Variants in TRIM51 observed in about 807,000 individuals in gnomAD.
TRIM51 encodes the protein tripartite motif-containing 51, also known as tripartite motif-containing protein 51.
TRIM51 carries 23 observed loss-of-function variants against 32.7 expected under a neutral mutation model. That is an observed-to-expected ratio of 0.70 (90% CI 0.51 to 1.00). The LOEUF (loss-of-function observed/expected upper bound fraction) is 1.00. Ranked by LOEUF, TRIM51 falls within the 50% of genes least tolerant of loss-of-function variation. The pLI is 0.00. For synonymous variants in TRIM51, 177 were observed against 181.9 expected, an observed-to-expected ratio of 0.97 and a Z score of 0.22; for missense variants, 592 against 539.2, an observed-to-expected ratio of 1.10 and a Z score of -0.97.
intron 4 of TRIM51, 74 bp from the exon 5 acceptor site, chr11:55,888,905 A>G (rs1854612029): frequency 7.4e-7 from 1 of 1,348,892 alleles, no homozygotes. Flanking sequence ...ACTGTCTCCA[A>G]ATCTCACTCT....
chr11:55,883,394 A>T lies in TRIM51; in HGVS notation c.-5+10A>T, dbSNP rs1159301010. On this transcript the variant is annotated intron_variant, in intron 1 of 6. Transcript: ENST00000449290. ...TTCATAGAACCTTGGGGTGAGTGCA[A>T]CTTCTATGGAGAAAATTATTTCTCT... The T allele has an allele frequency of 5.9e-5, 9 of 152,188 alleles. No homozygotes were observed. In the East Asian group the frequency reaches 1.5e-3, roughly 26 times the overall value. 9.4% of individuals were successfully genotyped at this position (152,188 alleles called of 1,614,324 possible). A position where few individuals can be genotyped will look rare whatever the true frequency, so the allele number is the denominator to read the frequency against.
Position 55,886,223 on chromosome 11 carries a change from G to A in TRIM51, c.507+5G>A. 6.2e-7 allele frequency: 1 copy of A among 1,609,744 alleles called. No homozygotes were observed. Among genetic ancestry groups the A allele is most frequent in the Non-Finnish European group, 8.5e-7 (1 of 1,176,250 alleles). The stretch of plus-strand genomic sequence containing the variant: ...ACAAGAACCAGATGCTGGAAGGTTA[G>A]TACCGTATGACTCTACCTTCTCCGG... On this transcript the variant is annotated splice_donor_5th_base_variant and intron_variant, in intron 3 of 6. Coordinates refer to ENST00000449290, the MANE Select transcript of TRIM51 (RefSeq NM_032681.4).
chr11:55,891,616 G>T lies in TRIM51; in HGVS notation c.1343G>T (p.Cys448Phe). The change falls in exon 7 of 7, where the codon TGC becomes TTC. Residue 448 changes from cysteine (C) to phenylalanine (F), a missense_variant. Coordinates refer to ENST00000449290, the MANE Select transcript of TRIM51 (RefSeq NM_032681.4). Reference sequence around the variant, plus strand: ...TCACCTCCTCTCAGGCCTATCTTTTGCTGTAGTCACTTCTGACCAGAGAAA... The same window carrying T: ...TCACCTCCTCTCAGGCCTATCTTTTTCTGTAGTCACTTCTGACCAGAGAAA... ...SFSPPLRPIF[C>F]CSHF 1.2e-6 allele frequency: 2 copies of T among 1,613,246 alleles called. No homozygotes were observed. The highest frequency in any genetic ancestry group is 1.7e-6 in the Non-Finnish European group (2 of 1,179,580).
At position 55,886,138 on chromosome 11, in the gene TRIM51, A is replaced by G. The variant is rs901061156; in HGVS notation, c.427A>G (p.Lys143Glu). Residue 143 changes from lysine (K) to glutamate (E), a missense_variant, in exon 3 of 7, where the codon AAA becomes GAA. Lys to Glu is a moderately conservative substitution (Grantham distance 56). Coordinates refer to ENST00000449290, the MANE Select transcript of TRIM51 (RefSeq NM_032681.4). ...AEERREELLK[K>E]MQSLWEKACE... ...TGTTTTGCAGGAGGAGCTCCTAAAA[A>G]AAATGCAGTCTTTATGGGAAAAAGC... 37 of 1,613,350 alleles carry G rather than the reference A, an allele frequency of 2.3e-5. No individual in the cohort carries two copies. The highest frequency in any genetic ancestry group is 3.1e-5 in the Non-Finnish European group (36 of 1,179,560).
At chr11:55,884,180 T>TATAC (rs1456729841) in intron 1 of TRIM51, among the ~76,000 whole-genome samples, 8 of 124,088 alleles carry the variant, frequency 6.4e-5, no homozygotes, top group African/African-American at 2.6e-4. Flanking sequence ...TATATATATA[T>TATAC]ATACACATAC....
Position 55,891,633 on chromosome 11 carries a change from C to A in TRIM51, c.*1C>A, listed in dbSNP as rs762030416. ...TATCTTTTGCTGTAGTCACTTCTGA[C>A]CAGAGAAAAGTCAGAAATGTGCCTG... On this transcript the variant is annotated 3_prime_UTR_variant, in exon 7 of 7. Transcript: ENST00000449290. 9 of 1,612,728 alleles carry A rather than the reference C, an allele frequency of 5.6e-6. No homozygotes were observed. The Admixed American group carries it at 1.5e-4, about 27-fold the overall frequency.
rs1379418747 is a variant in TRIM51, at chr11:55,891,483, A to C, written c.1210A>C (p.Arg404=). The change falls in exon 7 of 7, where the codon AGA becomes CGA. Residue 404 remains arginine, a synonymous_variant. Coordinates refer to ENST00000449290, the MANE Select transcript of TRIM51 (RefSeq NM_032681.4). The stretch of plus-strand genomic sequence containing the variant: ...CCCACTTGTGGTGCAATATGTTCCA[A>C]GACCTACCAGCACAGTAGGATTATT... ...TSPLVVQYVP[R]PTSTVGLFLD... 11 of 1,613,444 alleles carry C rather than the reference A, an allele frequency of 6.8e-6. No homozygotes were observed. The highest frequency in any genetic ancestry group is 8.5e-6 in the Non-Finnish European group (10 of 1,179,746).
Position 55,885,537 on chromosome 11 carries a change from C to A in TRIM51, c.109C>A (p.Pro37Thr), listed in dbSNP as rs768725178. Residue 37 changes from proline to threonine, a missense_variant, in exon 2 of 7, where the codon CCC (proline) becomes ACC (threonine). By Grantham distance (38) the Pro-to-Thr change is conservative. Transcript: ENST00000449290. ...TIDCGHSFCR[P>T]CLYLNWQDTA... is the part of the protein sequence containing the mutation. The stretch of plus-strand genomic sequence containing the variant: ...AGACTGTGGGCACAGCTTTTGCCGG[C>A]CCTGTTTGTACCTCAACTGGCAAGA... 7 of 1,611,916 alleles carry A rather than the reference C, an allele frequency of 4.3e-6. No homozygotes were observed. The African/African-American group carries it at 9.4e-5, about 22-fold the overall frequency.
At chr11:55,890,983 A>G in intron 6 of TRIM51, 150 bp from the exon 7 acceptor site, 1 of 615,694 alleles carries the variant, frequency 1.6e-6, no homozygotes, top group South Asian at 2.2e-5. Context: ...TCATCCTTAT[A>G]CTTTATTAAA....
At chr11:55,891,078 A>G in intron 6 of TRIM51, 55 bp from the exon 7 acceptor site, 1 of 1,390,418 alleles carries the variant, frequency 7.2e-7, no homozygotes, top group Non-Finnish European at 9.6e-7. Context: ...TCCCTCAAGA[A>G]TTCTAATTTC....
rs557505571 is a variant in TRIM51 at position 55,890,120 on chromosome 11, C to T, written c.859+81C>T. On this transcript the variant is annotated intron_variant, in intron 6 of 6. Transcript: ENST00000449290. ...ATGGGGGTAGTATTTTACCCTTCAT[C>T]AAATCTTTATTTCATTTCAGCAGGA... The T allele has an allele frequency of 3.8e-5, 35 of 930,484 alleles. No individual in the cohort carries two copies. In the Middle Eastern group the frequency reaches 1.3e-3, roughly 34 times the overall value. 57.6% of individuals were successfully genotyped at this position (930,484 alleles called of 1,614,324 possible).
chr11:55,886,059 A>G (rs758536458), intron 2 of TRIM51, 64 bp from the exon 3 acceptor site: 10 of 1,536,586 alleles, frequency 6.5e-6, no homozygotes, highest in African/African-American at 1.4e-5. Flanking sequence ...GGTCCTTCGT[A>G]TATCAGAGTG....
At chr11:55,887,512 G>T (rs1304585874) in intron 3 of TRIM51, among the ~76,000 whole-genome samples, 1 of 151,960 alleles carries the variant, frequency 6.6e-6, no homozygotes, top group African/African-American at 2.4e-5. Context: ...TTATTTGGGG[G>T]TTTGAGGAAC....
chr11:55,889,919 T>C lies in TRIM51; in HGVS notation c.762-23T>C, dbSNP rs569880399. The C allele has an allele frequency of 1.8e-5, 29 of 1,578,438 alleles. No homozygotes were observed. In the African/African-American group the frequency reaches 3.1e-4, roughly 17 times the overall value. The stretch of plus-strand genomic sequence containing the variant: ...GTATTTTTTTTGGCTGTAGATGTGA[T>C]AACCCTATCTTTCCCCTTGCAGGTA... On this transcript the variant is annotated intron_variant, in intron 5 of 6. Coordinates refer to ENST00000449290, the MANE Select transcript of TRIM51 (RefSeq NM_032681.4).
At chr11:55,883,781 T>C (rs1368064698) in intron 1 of TRIM51, among the ~76,000 whole-genome samples, 4 of 152,100 alleles carry the variant, frequency 2.6e-5, no homozygotes, top group Admixed American at 6.5e-5. Context: ...TGATTTTAAG[T>C]TACTGAGGCA....
chr11:55,884,624 C>T (rs975887857), intron 1 of TRIM51, among the ~76,000 whole-genome samples: 7 of 152,078 alleles, frequency 4.6e-5, no homozygotes, highest in African/African-American at 1.7e-4. Flanking sequence ...AGCTCACCAA[C>T]TTACATGACT....
In TRIM51 at chr11:55,885,372, C is replaced by T. The variant is rs1248706502; in HGVS notation, c.-4-53C>T. ...GCTATCACATATCACCACATGTTCA[C>T]GGATTTTCACCAACCCAGACCCCAA... On this transcript the variant is annotated intron_variant, in intron 1 of 6. Transcript: ENST00000449290. 23 of 1,593,162 alleles carry T rather than the reference C, an allele frequency of 1.4e-5. No individual in the cohort carries two copies. In the Admixed American group the frequency reaches 3.7e-4, roughly 25 times the overall value.
chr11:55,887,144 G>A (rs1030833739), intron 3 of TRIM51, among the ~76,000 whole-genome samples: 1 of 151,908 alleles, frequency 6.6e-6, no homozygotes, highest in Non-Finnish European at 1.5e-5. Flanking sequence ...AGGGACTGGG[G>A]ATGAGGGTTT....
At position 55,891,399 on chromosome 11, in the gene TRIM51, G is replaced by A; in HGVS notation, c.1126G>A (p.Gly376Arg). Residue 376 changes from glycine (G) to arginine (R), a missense_variant, in exon 7 of 7, where the codon GGA (glycine) becomes AGA (arginine). Coordinates refer to ENST00000449290, the MANE Select transcript of TRIM51 (RefSeq NM_032681.4). The part of the protein sequence containing the change: ...RQNDKIDGEE[G>R]LFLLGCVKED... ...GAATGACAAGATAGATGGAGAGGAG[G>A]GACTCTTTCTTCTTGGATGTGTTAA... The A allele has an allele frequency of 1.2e-6, 2 of 1,612,228 alleles. No homozygotes were observed. The highest frequency in any genetic ancestry group is 1.3e-5 in the African/African-American group (1 of 74,952).
Sources: allele counts gnomAD v4.1 joint callset (sites outside exome capture counted in the v4.1 genomes callset), GRCh38; gene constraint gnomAD v4.1.1; transcripts MANE v1.5; gene names NCBI Gene and HGNC (gene_info 2026-07-23, HGNC 2026-07-21).